The following ST6GALNAC5 variants were observed in gnomAD, a reference collection of about 807,000 sequenced individuals.
ST6GALNAC5 encodes alpha-N-acetylgalactosaminide alpha-2,6-sialyltransferase 5.
In ST6GALNAC5, 27 loss-of-function variants were observed where a neutral mutation model predicts 33.6. The observed-to-expected ratio is 0.80, with a 90% CI of 0.59 to 1.11. The LOEUF is 1.11. Among genes scored for constraint, ST6GALNAC5 ranks in the 50% least tolerant of loss-of-function variants. The pLI is 0.00. For synonymous variants in ST6GALNAC5, 194 were observed against 171.2 expected, an observed-to-expected ratio of 1.13 and a Z score of -1.04; for missense variants, 428 against 454.0, an observed-to-expected ratio of 0.94 and a Z score of 0.52.
chr1:77,018,577 A>G (rs1650940877), intron 2 of ST6GALNAC5, among the ~76,000 whole-genome samples: 1 of 152,220 alleles, frequency 6.6e-6, no homozygotes, highest in Non-Finnish European at 1.5e-5. Context: ...CACTCCCAAG[A>G]GGCTGAAACA....
intron 2 of ST6GALNAC5, among the ~76,000 whole-genome samples, chr1:76,972,641 A>G (rs1292558442): frequency 6.6e-6 from 1 of 152,210 alleles, no homozygotes; most frequent in African/African-American, 2.4e-5. Flanking sequence ...AACATAATAC[A>G]GATGTCATTT....
intron 2 of ST6GALNAC5, among the ~76,000 whole-genome samples, chr1:76,986,239 G>A (rs1017416340): frequency 1.5e-4 from 22 of 149,812 alleles, no homozygotes; most frequent in African/African-American, 5.2e-4. Flanking sequence ...CCTAAAGAGT[G>A]GGAGAAAATT....
intron 2 of ST6GALNAC5, among the ~76,000 whole-genome samples, chr1:76,887,714 T>C (rs1039850988): frequency 4.6e-5 from 7 of 152,252 alleles, no homozygotes; most frequent in Admixed American, 4.6e-4. Flanking sequence ...TTATTTTGGC[T>C]AGTAATTAAA....
At chr1:76,996,685 T>C (rs547400636) in intron 2 of ST6GALNAC5, among the ~76,000 whole-genome samples, 1 of 152,114 alleles carries the variant, frequency 6.6e-6, no homozygotes, top group African/African-American at 2.4e-5. Flanking sequence ...GAAACAGCTG[T>C]GGAACTCCTT....
chr1:76,927,832 G>A (rs2100305056), intron 2 of ST6GALNAC5, among the ~76,000 whole-genome samples: 1 of 152,194 alleles, frequency 6.6e-6, no homozygotes, highest in South Asian at 2.1e-4. Flanking sequence ...CATTATTCAA[G>A]CATTTAAATT....
chr1:76,930,951 C>T (rs922730970), intron 2 of ST6GALNAC5, among the ~76,000 whole-genome samples: 2 of 152,186 alleles, frequency 1.3e-5, no homozygotes, highest in East Asian at 1.9e-4. Flanking sequence ...GGACATTCCT[C>T]TTGCAAGTAG....
intron 2 of ST6GALNAC5, among the ~76,000 whole-genome samples, chr1:76,914,372 C>T (rs1463052624): frequency 1.3e-5 from 2 of 152,152 alleles, no homozygotes; most frequent in South Asian, 2.1e-4. Context: ...AAAAAGAGCC[C>T]GCATCGCCAA....
At chr1:76,987,039 G>A (rs918723850) in intron 2 of ST6GALNAC5, among the ~76,000 whole-genome samples, 3 of 152,016 alleles carry the variant, frequency 2.0e-5, no homozygotes, top group African/African-American at 7.3e-5. Flanking sequence ...ACTGGGGGAG[G>A]GATAGCATTA....
At chr1:76,886,657 G>A (rs1653902786) in intron 2 of ST6GALNAC5, among the ~76,000 whole-genome samples, 1 of 152,100 alleles carries the variant, frequency 6.6e-6, no homozygotes, top group South Asian at 2.1e-4. Context: ...TCCTAAATTT[G>A]TCATCACCCC....
chr1:76,936,166 T>A (rs1266106197), intron 2 of ST6GALNAC5, among the ~76,000 whole-genome samples: 4 of 152,096 alleles, frequency 2.6e-5, no homozygotes, highest in African/African-American at 9.7e-5. Context: ...TTGGGTGGCA[T>A]ATTTTGCACA....
chr1:76,966,919 A>C (rs189417691), intron 2 of ST6GALNAC5, among the ~76,000 whole-genome samples: 40 of 152,324 alleles, frequency 2.6e-4, no homozygotes, highest in African/African-American at 8.9e-4. Flanking sequence ...GCATATGTTG[A>C]ACCAGCCTTG....
rs551167290 is a variant in ST6GALNAC5 at position 76,961,021 on chromosome 1, T to C, written c.262-83183T>C. ...GCATAGGAAATCACAAGGGTATTGATTGGGGAAGTGATAAGTGTCCATGAA... is the reference window on the plus strand; with the variant it reads ...GCATAGGAAATCACAAGGGTATTGACTGGGGAAGTGATAAGTGTCCATGAA... On this transcript the variant is annotated intron_variant, in intron 2 of 4. Transcript: ENST00000477717. Among the ~76,000 whole-genome samples, 6 of 152,224 alleles carry C rather than the reference T, an allele frequency of 3.9e-5. No homozygotes were observed. In the East Asian group the frequency reaches 7.7e-4, roughly 20 times the overall value.
At chr1:77,002,204 C>T (rs1166516194) in intron 2 of ST6GALNAC5, among the ~76,000 whole-genome samples, 2 of 152,100 alleles carry the variant, frequency 1.3e-5, no homozygotes, top group Non-Finnish European at 2.9e-5. Flanking sequence ...CAATTTCTTC[C>T]TGGTTTAGTC....
chr1:77,033,094 A>G (rs984508203), intron 2 of ST6GALNAC5, among the ~76,000 whole-genome samples: 1 of 152,222 alleles, frequency 6.6e-6, no homozygotes, highest in African/African-American at 2.4e-5. Context: ...GAAGGAAATC[A>G]CATCAGGGAG....
chr1:77,044,638 G>T, intron 3 of ST6GALNAC5, 25 bp downstream of exon 3: 1 of 1,521,272 alleles, frequency 6.6e-7, no homozygotes, highest in Non-Finnish European at 8.8e-7. Context: ...GGAAGAAGAT[G>T]CAGGGGAGGG....
intron 2 of ST6GALNAC5, among the ~76,000 whole-genome samples, chr1:76,981,162 G>A (rs1449920923): frequency 6.6e-6 from 1 of 152,196 alleles, no homozygotes; most frequent in Non-Finnish European, 1.5e-5. Flanking sequence ...GCAGCCCAGA[G>A]AGGGCGAGCT....
At chr1:76,982,871 GA>G (rs1196487872) in intron 2 of ST6GALNAC5, among the ~76,000 whole-genome samples, 3 of 152,068 alleles carry the variant, frequency 2.0e-5, no homozygotes, top group African/African-American at 7.2e-5. Context: ...CATTCTTAAA[GA>G]GAAGAAATTT....
At chr1:76,925,432 C>G (rs113012013) in intron 2 of ST6GALNAC5, among the ~76,000 whole-genome samples, 1 of 152,070 alleles carries the variant, frequency 6.6e-6, no homozygotes, top group African/African-American at 2.4e-5. Flanking sequence ...AGGACCAGAG[C>G]TGAGTCCATT....
intron 2 of ST6GALNAC5, among the ~76,000 whole-genome samples, chr1:76,991,274 G>T (rs1166066551): frequency 6.6e-6 from 1 of 152,160 alleles, no homozygotes; most frequent in Non-Finnish European, 1.5e-5. Flanking sequence ...CATTGCAAAT[G>T]TTGGCTTGCG....
Sources: gnomAD v4.1 joint callset for allele counts (sites outside exome capture counted in the v4.1 genomes callset) on GRCh38, gnomAD v4.1.1 for gene constraint, MANE v1.5 for transcripts, NCBI Gene and HGNC (gene_info 2026-07-23, HGNC 2026-07-21) for gene names.